The following CSMD3 variants were observed in gnomAD, a reference collection of about 807,000 sequenced individuals.
CSMD3 encodes the protein CUB and Sushi multiple domains 3.
In CSMD3, 177 loss-of-function variants were observed where a neutral mutation model predicts 435.2. The ratio of observed to expected loss-of-function variants is 0.41; its 90% CI spans 0.36 to 0.46. The LOEUF is 0.46. Ranked by LOEUF, CSMD3 falls within the 20% of genes least tolerant of loss-of-function variation. The probability of loss-of-function intolerance (pLI) is 0.34; values close to 1 mark genes in which losing one functional copy is unlikely to be tolerated. For synonymous variants in CSMD3, 1,656 were observed against 1,520.5 expected (o/e 1.09, Z -2.07); for missense variants, 4,265 against 4,504.6 (o/e 0.95, Z 1.52).
intron 13 of CSMD3, among the ~76,000 whole-genome samples, chr8:112,699,051 A>C (rs1269082691): frequency 6.6e-6 from 1 of 152,146 alleles, no homozygotes; most frequent in Non-Finnish European, 1.5e-5. Context: ...TGGACCAATC[A>C]GCAGGATGTG....
intron 13 of CSMD3, among the ~76,000 whole-genome samples, chr8:112,739,019 C>T (rs571972300): frequency 6.6e-6 from 1 of 151,574 alleles, no homozygotes; most frequent in African/African-American, 2.4e-5. Flanking sequence ...TAGTTCTATA[C>T]TGCAAGCTTG....
chr8:113,104,375 G>A (rs145504262), intron 4 of CSMD3, among the ~76,000 whole-genome samples: 323 of 152,222 alleles, frequency 2.1e-3, no homozygotes, highest in Middle Eastern at 0.02. Context: ...TCCCAAGACA[G>A]GCATCACTGT....
In CSMD3 at chr8:112,223,132, G is replaced by A. The variant is rs1469297186; in HGVS notation, c.*1639C>T. 2.5e-6 allele frequency: 1 copy of A among 398,120 alleles called. No individual in the cohort carries two copies. Among genetic ancestry groups the A allele is most frequent in the Non-Finnish European group, 4.4e-6 (1 of 225,604 alleles). The allele number at this position is 398,120 out of a possible 1,614,324, so 24.7% of individuals were successfully genotyped here. A position where few individuals can be genotyped will look rare whatever the true frequency, so the allele number is the denominator to read the frequency against. ...CCTTAACATTAATGAATGAATCATT[G>A]TTATTGCAGTCATTTGAATAAACAA... On this transcript the variant is annotated 3_prime_UTR_variant, in exon 71 of 71. Coordinates refer to ENST00000297405, the MANE Select transcript of CSMD3 (RefSeq NM_198123.2).
At chr8:113,356,542 AG>A (rs1188962672) in intron 1 of CSMD3, among the ~76,000 whole-genome samples, 2 of 152,196 alleles carry the variant, frequency 1.3e-5, no homozygotes, top group East Asian at 3.9e-4. Flanking sequence ...CATGAGAGAA[AG>A]TAAGCACTCA....
At chr8:112,650,716 T>C (rs950834140) in intron 18 of CSMD3, among the ~76,000 whole-genome samples, 2 of 152,208 alleles carry the variant, frequency 1.3e-5, no homozygotes, top group African/African-American at 4.8e-5. Flanking sequence ...AATTTTCTCA[T>C]TTAATTACTA....
At chr8:112,902,313 G>T (rs2082126925) in intron 10 of CSMD3, among the ~76,000 whole-genome samples, 1 of 151,200 alleles carries the variant, frequency 6.6e-6, no homozygotes, top group South Asian at 2.1e-4. Context: ...TGATCAAAGG[G>T]TAGGTCAACT....
intron 13 of CSMD3, among the ~76,000 whole-genome samples, chr8:112,706,731 C>G (rs1054110295): frequency 6.6e-6 from 1 of 152,052 alleles, no homozygotes; most frequent in African/African-American, 2.4e-5. Context: ...GAAAACCATT[C>G]TGGCTGTGCA....
intron 22 of CSMD3, among the ~76,000 whole-genome samples, chr8:112,622,572 G>A (rs987455126): frequency 2.8e-4 from 43 of 152,012 alleles, no homozygotes; most frequent in African/African-American, 5.6e-4. Context: ...TGTTTTCAAC[G>A]TCACATTTCT....
chr8:113,375,842 A>C (rs557178491), intron 1 of CSMD3, among the ~76,000 whole-genome samples: 1 of 152,318 alleles, frequency 6.6e-6, no homozygotes, highest in Middle Eastern at 3.4e-3. Context: ...TTGGAACTAG[A>C]ATAATGGTTT....
intron 22 of CSMD3, among the ~76,000 whole-genome samples, chr8:112,604,852 G>T (rs891102197): frequency 1.4e-4 from 21 of 151,952 alleles, no homozygotes; most frequent in African/African-American, 4.6e-4. Context: ...ACAGACAACC[G>T]ACAGAATATG....
At chr8:113,256,819 T>G (rs1285333234) in intron 3 of CSMD3, among the ~76,000 whole-genome samples, 2 of 152,096 alleles carry the variant, frequency 1.3e-5, no homozygotes, top group East Asian at 3.9e-4. Flanking sequence ...ATATACAAGA[T>G]TTTGCATTAA....
chr8:112,608,641 AT>A (rs1832985151), intron 22 of CSMD3, among the ~76,000 whole-genome samples: 1 of 151,990 alleles, frequency 6.6e-6, no homozygotes, highest in Non-Finnish European at 1.5e-5. Flanking sequence ...TATAATTTAT[AT>A]ATGTATATGT....
chr8:112,534,680 T>C (rs1326346632), intron 27 of CSMD3, among the ~76,000 whole-genome samples: 1 of 152,096 alleles, frequency 6.6e-6, no homozygotes, highest in Non-Finnish European at 1.5e-5. Flanking sequence ...ACTCATTTTA[T>C]GAGGCCAGCA....
At chr8:112,910,105 T>C (rs2082366997) in intron 10 of CSMD3, among the ~76,000 whole-genome samples, 2 of 151,798 alleles carry the variant, frequency 1.3e-5, no homozygotes, top group Admixed American at 6.6e-5. Context: ...ATTGACCAAT[T>C]TATCACAGAG....
chr8:112,890,547 G>A (rs1232218807), intron 10 of CSMD3, among the ~76,000 whole-genome samples: 3 of 151,610 alleles, frequency 2.0e-5, no homozygotes, highest in African/African-American at 7.3e-5. Context: ...GGAGGCTCCC[G>A]AATTCAAGAT....
chr8:113,283,121 T>C (rs972331689), intron 2 of CSMD3, among the ~76,000 whole-genome samples: 19 of 152,050 alleles, frequency 1.2e-4, no homozygotes, highest in African/African-American at 3.9e-4. Flanking sequence ...GATCTGAAAC[T>C]ATAAAAATTC....
intron 21 of CSMD3, 71 bp from the exon 22 acceptor site, chr8:112,637,076 A>G: frequency 1.7e-6 from 2 of 1,209,630 alleles, no homozygotes; most frequent in Non-Finnish European, 2.4e-6. Context: ...GTTACTTTTA[A>G]AGGTATATTC....
At chr8:112,643,314 T>TGTTTCTGAAA (rs1425370004) in intron 20 of CSMD3, among the ~76,000 whole-genome samples, 1 of 152,134 alleles carries the variant, frequency 6.6e-6, no homozygotes, top group Non-Finnish European at 1.5e-5. Flanking sequence ...CAGTTCATCA[T>TGTTTCTGAAA]GTTTCTGAAA....
intron 22 of CSMD3, among the ~76,000 whole-genome samples, chr8:112,626,166 G>A (rs1834457996): frequency 6.6e-6 from 1 of 151,970 alleles, no homozygotes; most frequent in South Asian, 2.1e-4. Context: ...ATCTCATACC[G>A]ATAATATTTT....
Sources: gnomAD v4.1 joint callset for allele counts (sites outside exome capture counted in the v4.1 genomes callset) on GRCh38, gnomAD v4.1.1 for gene constraint, MANE v1.5 for transcripts, NCBI Gene and HGNC (gene_info 2026-07-23, HGNC 2026-07-21) for gene names.